The following FHIT variants were observed in gnomAD, a reference collection of about 807,000 sequenced individuals.
FHIT encodes fragile histidine triad diadenosine triphosphatase.
A neutral mutation model predicts 17.9 loss-of-function variants in FHIT; 19 were observed. The ratio of observed to expected loss-of-function variants is 1.06; its 90% confidence interval spans 0.74 to 1.56. The LOEUF (loss-of-function observed/expected upper bound fraction) is 1.56, where lower values mean the gene tolerates loss of function less well. Among genes scored for constraint, FHIT ranks in the 40% most tolerant of loss-of-function variants. The pLI is 0.00. For missense variants in FHIT, 248 were observed against 189.2 expected (o/e 1.31, Z -1.82); for synonymous variants, 81 against 69.7 (o/e 1.16, Z -0.81).
intron 8 of FHIT, among the ~76,000 whole-genome samples, chr3:59,847,931 A>G (rs984138264): frequency 2.0e-5 from 3 of 152,200 alleles, no homozygotes; most frequent in Non-Finnish European, 4.4e-5. Context: ...CAAAAAGGGA[A>G]AGAAGAAAAA....
intron 1 of FHIT, among the ~76,000 whole-genome samples, chr3:61,239,851 A>T (rs1015681370): frequency 2.7e-5 from 4 of 150,304 alleles, no homozygotes; most frequent in Middle Eastern, 3.4e-3. Context: ...AAGCCACAAA[A>T]ATCTGAAATC....
intron 8 of FHIT, among the ~76,000 whole-genome samples, chr3:59,794,179 C>T (rs1204070132): frequency 6.6e-6 from 1 of 152,186 alleles, no homozygotes; most frequent in African/African-American, 2.4e-5. Flanking sequence ...AGAACATCTG[C>T]AATTCTCTAG....
chr3:60,564,784 T>A (rs998556115), intron 4 of FHIT, among the ~76,000 whole-genome samples: 13 of 152,164 alleles, frequency 8.5e-5, no homozygotes, highest in Admixed American at 2.6e-4. Flanking sequence ...TGAAATCAAC[T>A]CCTAGTGAAG....
chr3:61,250,195 C>G (rs992216155), intron 1 of FHIT, among the ~76,000 whole-genome samples: 2 of 152,164 alleles, frequency 1.3e-5, no homozygotes, highest in South Asian at 2.1e-4. Flanking sequence ...AGTACCTGCC[C>G]GACGAGAAAC....
chr3:60,541,231 T>C (rs1055845219), intron 4 of FHIT, among the ~76,000 whole-genome samples: 4 of 152,260 alleles, frequency 2.6e-5, no homozygotes, highest in Admixed American at 2.6e-4. Flanking sequence ...TCCATCTGTT[T>C]TTCATGACTT....
chr3:60,254,180 T>C (rs1368990765), intron 5 of FHIT, among the ~76,000 whole-genome samples: 1 of 152,126 alleles, frequency 6.6e-6, no homozygotes, highest in African/African-American at 2.4e-5. Context: ...ATAAAAGTCA[T>C]GGCATCCTGC....
chr3:61,250,828 A>C (rs1311335091), intron 1 of FHIT, among the ~76,000 whole-genome samples: 1 of 152,216 alleles, frequency 6.6e-6, no homozygotes, highest in Non-Finnish European at 1.5e-5. Flanking sequence ...ATTATCTCCC[A>C]AAATGCTGCC....
chr3:60,129,546 G>A (rs1480379991), intron 5 of FHIT, among the ~76,000 whole-genome samples: 3 of 152,056 alleles, frequency 2.0e-5, no homozygotes, highest in Non-Finnish European at 4.4e-5. Context: ...TCCACATTTC[G>A]AGGCTCTTAA....
intron 4 of FHIT, among the ~76,000 whole-genome samples, chr3:60,757,448 T>C (rs573172994): frequency 2.6e-5 from 4 of 152,332 alleles, no homozygotes; most frequent in African/African-American, 9.6e-5. Flanking sequence ...AGAGAATGAA[T>C]GGAAAACTTC....
Position 61,183,285 on chromosome 3 carries a change from G to T in FHIT, c.-164+17332C>A, listed in dbSNP as rs189607752. Among the ~76,000 whole-genome samples the T allele has an allele frequency of 6.3e-5, 9 of 143,464 alleles. No homozygotes were observed. In the East Asian group the frequency reaches 2.8e-3, roughly 45 times the overall value. 94.1% of individuals were successfully genotyped at this position (143,464 alleles called of 152,430 possible). On this transcript the variant is annotated intron_variant, in intron 2 of 9. Coordinates refer to ENST00000492590, the MANE Select transcript of FHIT (RefSeq NM_002012.4). ...AACAAGTGCCCAATTTATAGAAAAA[G>T]CGAGTAAGTGACTCTGAATGAATCA...
At chr3:60,568,901 C>T in intron 4 of FHIT, among the ~76,000 whole-genome samples, 1 of 151,906 alleles carries the variant, frequency 6.6e-6, no homozygotes, top group African/African-American at 2.4e-5. Context: ...GAAAAGTCAC[C>T]ATACCATTTT....
intron 8 of FHIT, among the ~76,000 whole-genome samples, chr3:59,919,657 T>G (rs2107180413): frequency 6.6e-6 from 1 of 152,326 alleles, no homozygotes; most frequent in Non-Finnish European, 1.5e-5. Flanking sequence ...TAGGCATAAT[T>G]TTCTATGTCT....
intron 3 of FHIT, among the ~76,000 whole-genome samples, chr3:61,006,388 A>G (rs2031450283): frequency 6.6e-6 from 1 of 152,180 alleles, no homozygotes; most frequent in South Asian, 2.1e-4. Context: ...AGCAACATCA[A>G]TGACCATAAC....
chr3:60,139,550 C>G (rs1358643957), intron 5 of FHIT, among the ~76,000 whole-genome samples: 1 of 152,136 alleles, frequency 6.6e-6, no homozygotes, highest in Non-Finnish European at 1.5e-5. Flanking sequence ...AAGCCTTGCA[C>G]AATCCTCAGC....
intron 5 of FHIT, among the ~76,000 whole-genome samples, chr3:60,057,383 CCT>C (rs1470582484): frequency 6.6e-6 from 1 of 152,148 alleles, no homozygotes; most frequent in Admixed American, 6.5e-5. Context: ...CACTTCCATG[CCT>C]CTCTGCTTAG....
intron 8 of FHIT, among the ~76,000 whole-genome samples, chr3:59,885,168 G>C (rs925169667): frequency 4.6e-5 from 7 of 152,148 alleles, no homozygotes; most frequent in African/African-American, 1.7e-4. Flanking sequence ...AGGATCATTT[G>C]GTAGCACACA....
chr3:60,950,319 C>T (rs1469055546), intron 3 of FHIT, among the ~76,000 whole-genome samples: 4 of 152,116 alleles, frequency 2.6e-5, no homozygotes, highest in Non-Finnish European at 5.9e-5. Flanking sequence ...ACTGTAATAT[C>T]ATATTTATTG....
chr3:59,865,718 C>T (rs1313166870), intron 8 of FHIT, among the ~76,000 whole-genome samples: 3 of 152,208 alleles, frequency 2.0e-5, no homozygotes, highest in African/African-American at 7.2e-5. Flanking sequence ...TCTTGATTCA[C>T]AGTGGGGCTT....
intron 5 of FHIT, among the ~76,000 whole-genome samples, chr3:60,145,766 A>T (rs146903315): frequency 3.0e-4 from 45 of 152,252 alleles, no homozygotes; most frequent in African/African-American, 1.1e-3. Context: ...CATCTCTACT[A>T]TTAATTCTGT....
Sources: gnomAD v4.1 joint callset for allele counts (sites outside exome capture counted in the v4.1 genomes callset) on GRCh38, gnomAD v4.1.1 for gene constraint, MANE v1.5 for transcripts, NCBI Gene and HGNC (gene_info 2026-07-23, HGNC 2026-07-21) for gene names.